The following ACCSL variants were observed in gnomAD, a reference collection of about 807,000 sequenced individuals.
ACCSL encodes probable inactive 1-aminocyclopropane-1-carboxylate synthase-like protein 2.
In ACCSL, 55 loss-of-function variants were observed where a neutral mutation model predicts 61.7. The observed-to-expected ratio is 0.89, with a 90% CI of 0.72 to 1.12. ACCSL has a LOEUF of 1.12. ACCSL is among the 50% of genes most tolerant of loss of function. The pLI, the probability that ACCSL is intolerant of heterozygous loss-of-function variation, is 0.00. For missense variants in ACCSL, 632 were observed against 698.0 expected (o/e 0.91, Z 1.07); for synonymous variants, 258 against 264.3 (o/e 0.98, Z 0.23).
At chr11:43,926,532 T>C in the ACCSL span, 1 of 455,540 alleles carries the variant, frequency 2.2e-6, no homozygotes, top group South Asian at 1.6e-5. Context: ...TATCCAGAGA[T>C]TGTGGGTCAG....
At chr11:44,022,465 GTAT>G in the ACCSL span, among the ~76,000 whole-genome samples, 2 of 152,106 alleles carry the variant, frequency 1.3e-5, no homozygotes, top group Non-Finnish European at 2.9e-5. Context: ...CATTGATTTT[GTAT>G]CTTGAAACTT....
the ACCSL span, among the ~76,000 whole-genome samples, chr11:43,989,945 GAGTT>G: frequency 6.6e-6 from 1 of 152,220 alleles, no homozygotes; most frequent in African/African-American, 2.4e-5. Context: ...TGCCTTGTCT[GAGTT>G]CCAGGTCAGC....
the ACCSL span, among the ~76,000 whole-genome samples, chr11:43,989,385 C>T: frequency 6.6e-6 from 1 of 152,246 alleles, no homozygotes; most frequent in Non-Finnish European, 1.5e-5. Flanking sequence ...CGCCTGCCTT[C>T]CTGCCTAGGC....
the ACCSL span, among the ~76,000 whole-genome samples, chr11:43,984,625 C>T: frequency 1.3e-5 from 2 of 152,218 alleles, no homozygotes; most frequent in African/African-American, 2.4e-5. Context: ...GAGTTTGTGG[C>T]GTCCGAAAGG....
chr11:44,037,923 T>C, the ACCSL span, among the ~76,000 whole-genome samples: 1 of 152,074 alleles, frequency 6.6e-6, no homozygotes, highest in Non-Finnish European at 1.5e-5. Flanking sequence ...GGTCATTCAT[T>C]TATTCATTCA....
At chr11:43,953,144 C>G in the ACCSL span, among the ~76,000 whole-genome samples, 2 of 152,152 alleles carry the variant, frequency 1.3e-5, no homozygotes, top group Non-Finnish European at 2.9e-5. Context: ...GGCTGCATTC[C>G]CAGGAGATCA....
the ACCSL span, among the ~76,000 whole-genome samples, chr11:44,023,041 C>CTT: frequency 0.064 from 5,483 of 86,176 alleles, 269 homozygotes; most frequent in Admixed American, 0.09. Flanking sequence ...TCTTCTTCTT[C>CTT]TTTTTTTTTT....
upstream of ACCSL, among the ~76,000 whole-genome samples, chr11:44,045,900 G>T (rs193117727): frequency 1.3e-5 from 2 of 152,196 alleles, no homozygotes; most frequent in African/African-American, 4.8e-5. Flanking sequence ...CCAGTCCTGG[G>T]AAAAGGAAGA....
At chr11:44,037,889 A>ATCCG in the ACCSL span, among the ~76,000 whole-genome samples, 1 of 151,800 alleles carries the variant, frequency 6.6e-6, no homozygotes, top group African/African-American at 2.4e-5. Flanking sequence ...CCATCCATCC[A>ATCCG]TCCATCCATC....
chr11:43,952,609 C>G, the ACCSL span, among the ~76,000 whole-genome samples: 2 of 152,196 alleles, frequency 1.3e-5, no homozygotes, highest in Admixed American at 1.3e-4. Flanking sequence ...CAGTCACATA[C>G]CGCCTGCTTG....
the ACCSL span, among the ~76,000 whole-genome samples, chr11:43,998,503 G>C: frequency 3.3e-5 from 5 of 152,126 alleles, no homozygotes; most frequent in African/African-American, 7.2e-5. Flanking sequence ...TAGCCTTGAG[G>C]GGCCCTGGTC....
At chr11:43,953,305 G>A in the ACCSL span, among the ~76,000 whole-genome samples, 7 of 152,060 alleles carry the variant, frequency 4.6e-5, no homozygotes, top group African/African-American at 1.7e-4. Flanking sequence ...ATGAGGTCAG[G>A]AGTTTGAGAC....
the ACCSL span, among the ~76,000 whole-genome samples, chr11:43,989,306 G>A: frequency 1.3e-5 from 2 of 152,220 alleles, no homozygotes; most frequent in Non-Finnish European, 2.9e-5. Flanking sequence ...AACAGAAGAG[G>A]AACAGGGGAA....
chr11:43,951,825 GC>G, the ACCSL span, among the ~76,000 whole-genome samples: 5 of 152,036 alleles, frequency 3.3e-5, no homozygotes, highest in African/African-American at 4.8e-5. Flanking sequence ...ACATGGTGAA[GC>G]CCTGTCTCTA....
chr11:43,959,708 C>T, the ACCSL span, among the ~76,000 whole-genome samples: 1 of 152,146 alleles, frequency 6.6e-6, no homozygotes, highest in Admixed American at 6.5e-5. Context: ...CCTGGTAAAC[C>T]TATCCTAGAA....
the ACCSL span, among the ~76,000 whole-genome samples, chr11:44,004,770 G>A: frequency 6.6e-6 from 1 of 152,158 alleles, no homozygotes; most frequent in Admixed American, 6.5e-5. Flanking sequence ...CAGCATCTGG[G>A]AGCTGGTTGG....
At chr11:44,027,462 C>A in the ACCSL span, among the ~76,000 whole-genome samples, 1 of 152,216 alleles carries the variant, frequency 6.6e-6, no homozygotes, top group Non-Finnish European at 1.5e-5. Flanking sequence ...CAATAAAGGA[C>A]CAGCTGAGTT....
chr11:44,042,019 T>A, the ACCSL span, among the ~76,000 whole-genome samples: 1 of 152,206 alleles, frequency 6.6e-6, no homozygotes, highest in Non-Finnish European at 1.5e-5. Context: ...TAGTCTTACA[T>A]TCTCATATAA....
intron 3 of ACCSL, among the ~76,000 whole-genome samples, chr11:44,051,094 G>A (rs2134768040): frequency 6.6e-6 from 1 of 152,256 alleles, no homozygotes; most frequent in African/African-American, 2.4e-5. Context: ...ACCCGCCTTG[G>A]CCTCCCAAAG....
Sources: allele counts gnomAD v4.1 joint callset (sites outside exome capture counted in the v4.1 genomes callset), GRCh38; gene constraint gnomAD v4.1.1; transcripts MANE v1.5; gene names NCBI Gene and HGNC (gene_info 2026-07-23, HGNC 2026-07-21).